The following THSD7A variants were observed in gnomAD, a reference collection of about 807,000 sequenced individuals.
The protein encoded by THSD7A is thrombospondin type 1 domain containing 7A.
In THSD7A, 96 loss-of-function variants were observed where a neutral mutation model predicts 231.3. The ratio of observed to expected loss-of-function variants is 0.41; its 90% CI spans 0.35 to 0.49. The LOEUF (loss-of-function observed/expected upper bound fraction) is 0.49. THSD7A is among the 20% of genes least tolerant of loss of function. The pLI, the probability that THSD7A is intolerant of heterozygous loss-of-function variation, is 0.05. For synonymous variants in THSD7A, 940 were observed against 743.3 expected (o/e 1.26, Z -4.30); for missense variants, 2,290 against 2,070.2 (o/e 1.11, Z -2.06).
Position 11,594,189 on chromosome 7 carries a change from T to C in THSD7A, c.1023-687A>G, listed in dbSNP as rs545886372. ...GAACATCAGACTCCAAGTTCTTCAG[T>C]TGTGGAACTCATACTGGCTCTCCTT... On this transcript the variant is annotated intron_variant, in intron 2 of 27. Coordinates refer to ENST00000423059, the MANE Select transcript of THSD7A (RefSeq NM_015204.3). Among the ~76,000 whole-genome samples the C allele has an allele frequency of 2.6e-5, 4 of 152,318 alleles. No individual in the cohort carries two copies. The South Asian group carries it at 6.2e-4, about 24-fold the overall frequency.
intron 7 of THSD7A, among the ~76,000 whole-genome samples, chr7:11,477,344 T>C (rs1009532102): frequency 6.6e-6 from 1 of 152,212 alleles, no homozygotes; most frequent in Non-Finnish European, 1.5e-5. Context: ...TATGCATCTT[T>C]GATAGAGTTA....
intron 9 of THSD7A, among the ~76,000 whole-genome samples, chr7:11,467,892 A>C (rs1191319262): frequency 6.6e-6 from 1 of 151,906 alleles, no homozygotes; most frequent in Non-Finnish European, 1.5e-5. Flanking sequence ...AATTATTTTC[A>C]AATAAAGGTC....
chr7:11,601,238 G>T (rs1780540391), intron 2 of THSD7A, among the ~76,000 whole-genome samples: 1 of 151,796 alleles, frequency 6.6e-6, no homozygotes, highest in Admixed American at 6.6e-5. Flanking sequence ...TATTGTATGT[G>T]CAGAGAAAGG....
intron 2 of THSD7A, among the ~76,000 whole-genome samples, chr7:11,609,261 C>T (rs535382331): frequency 4.7e-4 from 72 of 152,256 alleles, no homozygotes; most frequent in African/African-American, 1.6e-3. Context: ...ATGCTGAGAA[C>T]ATCATTATCT....
At chr7:11,697,887 C>A (rs1384390026) in intron 1 of THSD7A, among the ~76,000 whole-genome samples, 2 of 151,344 alleles carry the variant, frequency 1.3e-5, no homozygotes, top group Admixed American at 6.6e-5. Context: ...CAATTAAATA[C>A]AAATTAAATT....
intron 1 of THSD7A, among the ~76,000 whole-genome samples, chr7:11,668,973 G>A (rs758033224): frequency 2.6e-5 from 4 of 152,118 alleles, no homozygotes; most frequent in Non-Finnish European, 5.9e-5. Context: ...GTTTCTAGTC[G>A]AGTGTGCTGT....
intron 1 of THSD7A, among the ~76,000 whole-genome samples, chr7:11,735,265 C>T (rs1475979335): frequency 6.6e-6 from 1 of 151,698 alleles, no homozygotes. Context: ...AGTAATATAA[C>T]ATTTTACCCG....
At chr7:11,389,571 TCC>T (rs1782902265) in intron 23 of THSD7A, among the ~76,000 whole-genome samples, 1 of 151,932 alleles carries the variant, frequency 6.6e-6, no homozygotes, top group Non-Finnish European at 1.5e-5. Context: ...TGACTCTTTA[TCC>T]AATTTGCCAG....
chr7:11,784,294 C>T (rs373600724), intron 1 of THSD7A, among the ~76,000 whole-genome samples: 1 of 150,428 alleles, frequency 6.6e-6, no homozygotes, highest in Non-Finnish European at 1.5e-5. Flanking sequence ...TTTTTTTATG[C>T]TTCCTGAATT....
At chr7:11,567,024 A>G (rs62434500) in intron 4 of THSD7A, among the ~76,000 whole-genome samples, 1,532 of 137,548 alleles carry the variant, frequency 0.011, 7 homozygotes, top group Middle Eastern at 0.041. Flanking sequence ...ATCTCTAAGG[A>G]CCAGCTCTAG....
chr7:11,529,641 G>C (rs1788620784), intron 6 of THSD7A, among the ~76,000 whole-genome samples: 2 of 151,906 alleles, frequency 1.3e-5, no homozygotes, highest in African/African-American at 4.8e-5. Context: ...GGCATGCCTT[G>C]CTTGCCCTTT....
In THSD7A at chr7:11,375,702, T is replaced by G. The variant is rs372337845; in HGVS notation, c.*92A>C. The stretch of plus-strand genomic sequence containing the variant: ...CATTTTTAAAAATTAAAATATATTT[T>G]AATCCACACAGTTTGGATACATTTG... On this transcript the variant is annotated 3_prime_UTR_variant, in exon 28 of 28. Coordinates refer to ENST00000423059, the MANE Select transcript of THSD7A (RefSeq NM_015204.3). 3.1e-4 allele frequency: 319 copies of G among 1,029,304 alleles called. 3 individuals are homozygous for G. In the South Asian group the frequency reaches 3.8e-3, roughly 12 times the overall value. 63.8% of individuals were successfully genotyped at this position (1,029,304 alleles called of 1,614,324 possible). A position where few individuals can be genotyped will look rare whatever the true frequency, so the allele number is the denominator to read the frequency against.
At chr7:11,610,615 G>A (rs1008712454) in intron 2 of THSD7A, among the ~76,000 whole-genome samples, 5 of 152,058 alleles carry the variant, frequency 3.3e-5, no homozygotes, top group Non-Finnish European at 7.4e-5. Context: ...TCAGAGAAAT[G>A]GGAATGCTAA....
Position 11,541,400 on chromosome 7 carries a change from A to C in THSD7A, c.1822+19T>G. 6.2e-7 allele frequency: 1 copy of C among 1,612,398 alleles called. No individual in the cohort carries two copies. Among genetic ancestry groups the C allele is most frequent in the African/African-American group, 1.3e-5 (1 of 75,020 alleles). On this transcript the variant is annotated intron_variant, in intron 6 of 27. Transcript: ENST00000423059. Reference sequence around the variant, plus strand: ...AGGGTTGGACATCCATAAAAACATAATAGATACGTCTGTCTTACCATCACT... The same window carrying C: ...AGGGTTGGACATCCATAAAAACATACTAGATACGTCTGTCTTACCATCACT...
chr7:11,623,348 CT>C (rs1239440279), intron 2 of THSD7A, among the ~76,000 whole-genome samples: 14 of 152,062 alleles, frequency 9.2e-5, no homozygotes. Flanking sequence ...TTGCATGACC[CT>C]GGGGGTGAGT....
At chr7:11,781,534 C>A (rs1479677230) in intron 1 of THSD7A, among the ~76,000 whole-genome samples, 3 of 152,120 alleles carry the variant, frequency 2.0e-5, no homozygotes, top group African/African-American at 7.2e-5. Context: ...TGTAAAAATC[C>A]TATTTAATAA....
intron 1 of THSD7A, among the ~76,000 whole-genome samples, chr7:11,765,993 C>A (rs986980683): frequency 1.3e-5 from 2 of 152,112 alleles, no homozygotes; most frequent in Admixed American, 6.5e-5. Context: ...AAAACATATT[C>A]TCACCTTTGA....
chr7:11,511,552 AC>A (rs1787809461), intron 6 of THSD7A, among the ~76,000 whole-genome samples: 1 of 152,218 alleles, frequency 6.6e-6, no homozygotes, highest in African/African-American at 2.4e-5. Flanking sequence ...GGCTACAGTA[AC>A]CAAAACAGCA....
At chr7:11,486,893 T>A (rs1393658706) in intron 6 of THSD7A, among the ~76,000 whole-genome samples, 2 of 152,180 alleles carry the variant, frequency 1.3e-5, no homozygotes, top group Non-Finnish European at 1.5e-5. Flanking sequence ...ATTTACACCT[T>A]ACTTTGAGGC....
Sources: allele counts gnomAD v4.1 joint callset (sites outside exome capture counted in the v4.1 genomes callset), GRCh38; gene constraint gnomAD v4.1.1; transcripts MANE v1.5; gene names NCBI Gene and HGNC (gene_info 2026-07-23, HGNC 2026-07-21).